Variants in ATG5 observed in about 807,000 individuals in gnomAD.
The protein encoded by ATG5 is autophagy related 5, also known as autophagy protein 5.
ATG5 carries 14 observed loss-of-function variants against 36.5 expected under a neutral mutation model. The observed-to-expected ratio is 0.38, with a 90% CI of 0.25 to 0.60. The LOEUF (loss-of-function observed/expected upper bound fraction) is 0.60, where lower values mean the gene tolerates loss of function less well. Among genes scored for constraint, ATG5 ranks in the 20% least tolerant of loss-of-function variants. ATG5 has a pLI of 0.60. For synonymous variants in ATG5, 95 were observed against 101.5 expected, an observed-to-expected ratio of 0.94 and a Z score of 0.38; for missense variants, 195 against 326.7, an observed-to-expected ratio of 0.60 and a Z score of 3.11.
chr6:106,247,818 T>G (rs1010248526), intron 6 of ATG5, among the ~76,000 whole-genome samples: 1 of 152,192 alleles, frequency 6.6e-6, no homozygotes, highest in African/African-American at 2.4e-5. Flanking sequence ...TTGATCAACC[T>G]CTGCTGGGAA....
intron 6 of ATG5, among the ~76,000 whole-genome samples, chr6:106,236,786 G>T (rs1777920348): frequency 1.3e-5 from 2 of 152,164 alleles, no homozygotes; most frequent in Admixed American, 1.3e-4. Flanking sequence ...TTTACTCTGT[G>T]TATGTCTGGT....
At chr6:106,285,467 T>C (rs970101326) in intron 4 of ATG5, among the ~76,000 whole-genome samples, 2 of 152,232 alleles carry the variant, frequency 1.3e-5, no homozygotes, top group Non-Finnish European at 2.9e-5. Context: ...TAGATTATAC[T>C]GTCTTCCTTT....
At chr6:106,234,605 T>C (rs1405737614) in intron 6 of ATG5, among the ~76,000 whole-genome samples, 2 of 152,226 alleles carry the variant, frequency 1.3e-5, no homozygotes, top group African/African-American at 2.4e-5. Flanking sequence ...CTATCGTTGT[T>C]TGAATGGCTC....
In ATG5 at chr6:106,278,668, G is replaced by T. The variant is rs1433860033; in HGVS notation, c.478+993C>A. ...TCAAATTTCATTCCCAACATTATCA[G>T]TTTGTTTCTTTGTTGGATTTACATC... On this transcript the variant is annotated intron_variant, in intron 5 of 7. Transcript: ENST00000369076. Among the ~76,000 whole-genome samples the T allele has an allele frequency of 2.0e-5, 3 of 152,082 alleles. No homozygotes were observed. The East Asian group carries it at 5.8e-4, about 29-fold the overall frequency.
At chr6:106,322,380 C>T (rs1024611039) in intron 1 of ATG5, among the ~76,000 whole-genome samples, 1 of 152,234 alleles carries the variant, frequency 6.6e-6, no homozygotes, top group Non-Finnish European at 1.5e-5. Flanking sequence ...CAAATACTTA[C>T]TAAACTAAGC....
At chr6:106,278,050 A>G (rs1779731273) in intron 5 of ATG5, among the ~76,000 whole-genome samples, 2 of 152,120 alleles carry the variant, frequency 1.3e-5, no homozygotes, top group South Asian at 2.1e-4. Context: ...GGCTCAAGCA[A>G]TCCTCCTGCC....
chr6:106,249,764 A>G (rs994092641), intron 5 of ATG5, among the ~76,000 whole-genome samples: 3 of 152,216 alleles, frequency 2.0e-5, no homozygotes, highest in African/African-American at 7.2e-5. Context: ...CATCCTTGCC[A>G]ATGCTTGCTA....
chr6:106,261,125 T>C (rs1463824096), intron 5 of ATG5, among the ~76,000 whole-genome samples: 3 of 151,744 alleles, frequency 2.0e-5, no homozygotes, highest in Non-Finnish European at 2.9e-5. Context: ...GAAAGAAGAG[T>C]TGTTAAAATA....
At chr6:106,322,534 ACTT>A (rs1771124486) in intron 1 of ATG5, among the ~76,000 whole-genome samples, 1 of 151,750 alleles carries the variant, frequency 6.6e-6, no homozygotes, top group East Asian at 1.9e-4. Context: ...TCAAATGTTC[ACTT>A]CTTCCTCCTC....
At chr6:106,226,335 T>C (rs927436861) in intron 6 of ATG5, among the ~76,000 whole-genome samples, 1 of 152,146 alleles carries the variant, frequency 6.6e-6, no homozygotes, top group Non-Finnish European at 1.5e-5. Flanking sequence ...GGGGGAAGCA[T>C]CTGGTTTCCA....
At chr6:106,249,024 A>T (rs1778460285) in intron 5 of ATG5, among the ~76,000 whole-genome samples, 1 of 152,232 alleles carries the variant, frequency 6.6e-6, no homozygotes, top group African/African-American at 2.4e-5. Flanking sequence ...TTTGAAAGAA[A>T]CATGGAACTG....
At chr6:106,244,650 A>G (rs369306267) in intron 6 of ATG5, among the ~76,000 whole-genome samples, 2 of 152,162 alleles carry the variant, frequency 1.3e-5, no homozygotes, top group African/African-American at 4.8e-5. Context: ...CACAGTTCCA[A>G]TGTTATATTT....
chr6:106,234,418 C>A (rs894485179), intron 6 of ATG5, among the ~76,000 whole-genome samples: 1 of 151,260 alleles, frequency 6.6e-6, no homozygotes, highest in African/African-American at 2.4e-5. Flanking sequence ...ACACCACTTC[C>A]GTTTTAGTAG....
At chr6:106,209,681 G>A (rs891152725) in intron 6 of ATG5, among the ~76,000 whole-genome samples, 1 of 152,108 alleles carries the variant, frequency 6.6e-6, no homozygotes, top group Non-Finnish European at 1.5e-5. Context: ...GTAAAACTAA[G>A]GAAATCTGAG....
At chr6:106,277,383 A>T (rs1779699088) in intron 5 of ATG5, among the ~76,000 whole-genome samples, 1 of 152,262 alleles carries the variant, frequency 6.6e-6, no homozygotes, top group Non-Finnish European at 1.5e-5. Flanking sequence ...TTTGCATCAT[A>T]GGATGGGACT....
At chr6:106,323,034 T>C (rs529221533) in intron 1 of ATG5, among the ~76,000 whole-genome samples, 157 of 152,024 alleles carry the variant, frequency 1.0e-3, no homozygotes, top group South Asian at 4.6e-3. Flanking sequence ...ATTCTCCTGC[T>C]TCAGCCTCCC....
intron 4 of ATG5, among the ~76,000 whole-genome samples, chr6:106,290,948 C>T (rs374115522): frequency 2.0e-5 from 3 of 152,232 alleles, no homozygotes; most frequent in East Asian, 3.8e-4. Context: ...AATTTTACCA[C>T]TGACAACAAA....
At chr6:106,292,165 G>A (rs935140491) in intron 4 of ATG5, among the ~76,000 whole-genome samples, 19 of 152,208 alleles carry the variant, frequency 1.2e-4, no homozygotes, top group Admixed American at 2.6e-4. Context: ...AAGCACCTGA[G>A]ACCAACATGG....
At chr6:106,305,592 C>G (rs1770413996) in intron 3 of ATG5, among the ~76,000 whole-genome samples, 1 of 152,192 alleles carries the variant, frequency 6.6e-6, no homozygotes, top group African/African-American at 2.4e-5. Flanking sequence ...GACTAATTTC[C>G]TTTCCTACCT....
Sources: allele counts gnomAD v4.1 joint callset (sites outside exome capture counted in the v4.1 genomes callset), GRCh38; gene constraint gnomAD v4.1.1; transcripts MANE v1.5; gene names NCBI Gene and HGNC (gene_info 2026-07-23, HGNC 2026-07-21).